NHS: variants seen among roughly 807,000 people sequenced by gnomAD.
NHS encodes the protein NHS actin remodeling regulator.
NHS carries 5 observed loss-of-function variants against 72.5 expected under a neutral mutation model. The ratio of observed to expected loss-of-function variants is 0.07; its 90% CI spans 0.04 to 0.14. The LOEUF is 0.14. Among genes scored for constraint, NHS ranks in the 10% least tolerant of loss-of-function variants. The pLI is 1.00. For missense variants in NHS, 1,072 were observed against 1,355.7 expected, an observed-to-expected ratio of 0.79 and a Z score of 3.29; for synonymous variants, 464 against 547.7, an observed-to-expected ratio of 0.85 and a Z score of 2.13.
chrX:17,728,924 C>T (rs1052418506), intron 8 of NHS, 149 bp downstream of exon 8: 3 of 784,542 alleles, frequency 3.8e-6, no homozygotes, highest in East Asian at 7.1e-5. Flanking sequence ...ATAATTTTTC[C>T]AAATCAAGTT....
chrX:17,565,446 G>C (rs186711500), intron 1 of NHS, among the ~76,000 whole-genome samples: 1 of 112,541 alleles, frequency 8.9e-6, no homozygotes, highest in African/African-American at 3.2e-5. Context: ...GGAATGGCTT[G>C]TTATGCAGCA....
At chrX:17,504,241 C>T (rs1038185577) in intron 1 of NHS, among the ~76,000 whole-genome samples, 1 of 111,915 alleles carries the variant, frequency 8.9e-6, no homozygotes, top group African/African-American at 3.2e-5. Context: ...TTTTAATCTG[C>T]AGAGATGCGA....
intron 1 of NHS, among the ~76,000 whole-genome samples, chrX:17,532,963 C>T (rs1271957640): frequency 1.8e-5 from 2 of 112,206 alleles, no homozygotes; most frequent in Admixed American, 9.4e-5. Context: ...GCATTCAGCA[C>T]AATGCCTGTA....
At chrX:17,576,976 C>T (rs1159897431) in intron 1 of NHS, among the ~76,000 whole-genome samples, 1 of 111,790 alleles carries the variant, frequency 8.9e-6, no homozygotes, top group Non-Finnish European at 1.9e-5. Flanking sequence ...AGAAAATGCC[C>T]TAAAGGTTAT....
At position 17,396,496 on chromosome X, in the gene NHS, A is replaced by G. The variant is rs745374709; in HGVS notation, c.565+20174A>G. Among the ~76,000 whole-genome samples, 7 of 111,675 alleles carry G rather than the reference A, an allele frequency of 6.3e-5. No individual in the cohort carries two copies. The East Asian group carries it at 2.0e-3, about 31-fold the overall frequency. On this transcript the variant is annotated intron_variant, in intron 1 of 8. Transcript: ENST00000676302. ...AACCACAGTTTGAAAAACTGCTCTC[A>G]AATGTTAACAGTAGTTATGTCTAGC...
intron 1 of NHS, among the ~76,000 whole-genome samples, chrX:17,459,661 C>G (rs2064839354): frequency 9.0e-6 from 1 of 111,420 alleles, no homozygotes; most frequent in South Asian, 3.8e-4. Flanking sequence ...CTCCTTTTTC[C>G]TTTCTGACCA....
intron 1 of NHS, among the ~76,000 whole-genome samples, chrX:17,468,735 TG>T (rs1224988041): frequency 1.8e-5 from 2 of 110,300 alleles, no homozygotes; most frequent in African/African-American, 6.6e-5. Flanking sequence ...AAAAATTTTT[TG>T]TAGAGACAGG....
At position 17,662,474 on chromosome X, in the gene NHS, T is replaced by C. The variant is rs185927432; in HGVS notation, c.566-25268T>C. On this transcript the variant is annotated intron_variant, in intron 1 of 8. Coordinates refer to ENST00000676302, the MANE Select transcript of NHS (RefSeq NM_001291867.2). ...ACCTGATTATTTCTTCCTTTGGGCA[T>C]GGCACTGGCAATCAAAATTTATCTT... Among the ~76,000 whole-genome samples the C allele has an allele frequency of 2.2e-3, 243 of 111,981 alleles. 1 individual carries two copies. The highest frequency in any genetic ancestry group is 9.4e-3 in the South Asian group (25 of 2,667).
At chrX:17,468,052 A>G (rs1389105993) in intron 1 of NHS, among the ~76,000 whole-genome samples, 3 of 111,436 alleles carry the variant, frequency 2.7e-5, no homozygotes, top group Non-Finnish European at 5.7e-5. Flanking sequence ...CTCTGCTTAT[A>G]TTAAGAACAT....
intron 1 of NHS, among the ~76,000 whole-genome samples, chrX:17,426,537 C>A (rs2064658355): frequency 1.8e-5 from 2 of 112,129 alleles, no homozygotes; most frequent in Non-Finnish European, 3.8e-5. Context: ...TTCCTCTTCA[C>A]TATAATAAAA....
chrX:17,585,631 G>T lies in NHS; in HGVS notation c.566-102111G>T, dbSNP rs772198749. On this transcript the variant is annotated intron_variant, in intron 1 of 8. Coordinates refer to ENST00000676302, the MANE Select transcript of NHS (RefSeq NM_001291867.2). ...TCTGAGGAGGGGTCCCCCAGGTAAA[G>T]CTATTCCTTCCCTTGGAAGCACCTG... 3.6e-4 allele frequency among the ~76,000 whole-genome samples: 40 copies of T among 110,252 alleles called. No homozygotes were observed. The East Asian group carries it at 0.011, about 31-fold the overall frequency.
At position 17,726,158 on chromosome X, in the gene NHS, A is replaced by G. The variant is rs761014407; in HGVS notation, c.2052A>G (p.Thr684=). The change falls in exon 7 of 9, where the codon ACA becomes ACG. Residue 684 remains threonine (T), a synonymous_variant. Coordinates refer to ENST00000676302, the MANE Select transcript of NHS (RefSeq NM_001291867.2). ...HANEDASVFV[T]EQYNDHLDKV... ...ATGAGGATGCCAGTGTTTTCGTGAC[A>G]GAGCAATACAATGACCACTTGGATA... 1 of 1,212,235 alleles carries G rather than the reference A, an allele frequency of 8.2e-7. No individual in the cohort carries two copies. The highest frequency in any genetic ancestry group is 1.1e-6 in the Non-Finnish European group (1 of 895,620).
chrX:17,618,438 C>T (rs996130502), intron 1 of NHS, among the ~76,000 whole-genome samples: 1 of 111,958 alleles, frequency 8.9e-6, no homozygotes, highest in Non-Finnish European at 1.9e-5. Context: ...TTAAGACCCT[C>T]TGCAAATTTT....
intron 1 of NHS, among the ~76,000 whole-genome samples, chrX:17,406,700 C>T (rs1233784568): frequency 8.9e-6 from 1 of 112,221 alleles, no homozygotes; most frequent in East Asian, 2.8e-4. Context: ...CTAGGACACA[C>T]TACTGTTGCA....
chrX:17,530,192 A>G (rs192135638), intron 1 of NHS, among the ~76,000 whole-genome samples: 171 of 110,986 alleles, frequency 1.5e-3, no homozygotes, highest in Admixed American at 3.5e-3. Context: ...GTGTCCAGAG[A>G]TCTCTGGATT....
At chrX:17,379,747 C>G (rs2064366806) in intron 1 of NHS, among the ~76,000 whole-genome samples, 1 of 111,948 alleles carries the variant, frequency 8.9e-6, no homozygotes, top group Non-Finnish European at 1.9e-5. Flanking sequence ...TGCACTCCAG[C>G]GTGGGCAACA....
intron 1 of NHS, among the ~76,000 whole-genome samples, chrX:17,625,187 A>C (rs1324277113): frequency 9.0e-6 from 1 of 111,619 alleles, no homozygotes; most frequent in African/African-American, 3.3e-5. Context: ...CTTTTTTTGC[A>C]AATCTCTTGA....
intron 1 of NHS, among the ~76,000 whole-genome samples, chrX:17,548,157 A>G (rs780546706): frequency 1.5e-4 from 17 of 111,766 alleles, no homozygotes; most frequent in Non-Finnish European, 3.2e-4. Flanking sequence ...TACCAGATAC[A>G]TTCTGGAGGC....
chrX:17,486,384 G>A (rs929093074), intron 1 of NHS, among the ~76,000 whole-genome samples: 1 of 112,182 alleles, frequency 8.9e-6, no homozygotes, highest in Admixed American at 9.5e-5. Flanking sequence ...CTATTGTCAT[G>A]TTTTCAGTTT....
Sources: allele counts gnomAD v4.1 joint callset (sites outside exome capture counted in the v4.1 genomes callset), GRCh38; gene constraint gnomAD v4.1.1; transcripts MANE v1.5; gene names NCBI Gene and HGNC (gene_info 2026-07-23, HGNC 2026-07-21).